WWTR1: variants seen among roughly 807,000 people sequenced by gnomAD.
WWTR1 encodes WW domain-containing transcription regulator protein 1.
WWTR1 carries 13 observed loss-of-function variants against 40.1 expected under a neutral mutation model. The observed-to-expected ratio is 0.32, with a 90% CI of 0.21 to 0.52. WWTR1 has a LOEUF of 0.52. Ranked by LOEUF, WWTR1 falls within the 20% of genes least tolerant of loss-of-function variation. The pLI is 0.97. For synonymous variants in WWTR1, 230 were observed against 210.1 expected, an observed-to-expected ratio of 1.09 and a Z score of -0.82; for missense variants, 436 against 523.1, an observed-to-expected ratio of 0.83 and a Z score of 1.63.
chr3:149,686,988 C>A (rs893702398), intron 1 of WWTR1, among the ~76,000 whole-genome samples: 1 of 152,128 alleles, frequency 6.6e-6, no homozygotes, highest in Non-Finnish European at 1.5e-5. Context: ...AGGTCAGTTA[C>A]CTTTTGCCCT....
upstream of WWTR1, chr3:149,703,380 CAG>C (rs1715253419): frequency 6.6e-6 from 1 of 152,082 alleles, no homozygotes; most frequent in African/African-American, 2.4e-5. Context: ...TGCCAACAAA[CAG>C]AAATATTTAC....
rs537820942 is a variant in WWTR1 at position 149,589,586 on chromosome 3, A to G, written c.432-16586T>C. Among the ~76,000 whole-genome samples the G allele has an allele frequency of 5.3e-5, 8 of 152,126 alleles. No individual in the cohort carries two copies. In the East Asian group the frequency reaches 9.7e-4, roughly 18 times the overall value. ...AGTTAAACAGGATATAGACCATCAT[A>G]ATTACCAGAGGAAATGGTATTTTCT... is the stretch of plus-strand genomic sequence containing the variant. On this transcript the variant is annotated intron_variant, in intron 2 of 6. Coordinates refer to ENST00000360632, the MANE Select transcript of WWTR1 (RefSeq NM_015472.6).
chr3:149,692,458 T>C (rs1002661181), intron 1 of WWTR1, among the ~76,000 whole-genome samples: 1 of 152,174 alleles, frequency 6.6e-6, no homozygotes, highest in Non-Finnish European at 1.5e-5. Context: ...CCCTTCATGA[T>C]GAAAACCCTC....
upstream of WWTR1, among the ~76,000 whole-genome samples, chr3:149,705,251 T>C (rs1023456384): frequency 1.3e-5 from 2 of 152,060 alleles, no homozygotes; most frequent in Non-Finnish European, 2.9e-5. Context: ...AAATCAATAA[T>C]TCAAGATTTC....
chr3:149,689,380 C>CAAAAAAAAAAA (rs3044083), intron 1 of WWTR1, among the ~76,000 whole-genome samples: 4 of 36,696 alleles, frequency 1.1e-4, no homozygotes, highest in African/African-American at 1.2e-4. Context: ...GAACCTATCT[C>CAAAAAAAAAAA]AAAAAAAAAA....
At chr3:149,625,350 C>T (rs1449958219) in intron 2 of WWTR1, among the ~76,000 whole-genome samples, 3 of 151,702 alleles carry the variant, frequency 2.0e-5, no homozygotes, top group Non-Finnish European at 2.9e-5. Context: ...GATCTCCTGA[C>T]CTCGTGATCC....
intron 1 of WWTR1, among the ~76,000 whole-genome samples, chr3:149,698,480 C>T (rs1053728399): frequency 3.3e-5 from 5 of 152,226 alleles, no homozygotes; most frequent in Non-Finnish European, 7.3e-5. Flanking sequence ...CATTTTCAGG[C>T]ATGTCTTTAT....
chr3:149,530,266 G>T (rs1298696122), intron 4 of WWTR1, among the ~76,000 whole-genome samples: 2 of 151,786 alleles, frequency 1.3e-5, no homozygotes, highest in Non-Finnish European at 2.9e-5. Flanking sequence ...AAAATCACTT[G>T]AATTTGGGGA....
intron 2 of WWTR1, among the ~76,000 whole-genome samples, chr3:149,594,003 G>A (rs569428382): frequency 6.6e-6 from 1 of 152,302 alleles, no homozygotes; most frequent in Admixed American, 6.5e-5. Flanking sequence ...TTTTGGAGCT[G>A]GGAAAAATCC....
chr3:149,657,414 A>C, intron 1 of WWTR1, 105 bp from the exon 2 acceptor site: 1 of 1,319,244 alleles, frequency 7.6e-7, no homozygotes, highest in Non-Finnish European at 1.0e-6. Context: ...ATAGAGGGAA[A>C]AGGAAACGAG....
intron 5 of WWTR1, among the ~76,000 whole-genome samples, chr3:149,526,962 T>C (rs1576536969): frequency 6.6e-6 from 1 of 152,212 alleles, no homozygotes; most frequent in East Asian, 1.9e-4. Context: ...GTGAAATTAT[T>C]TTAAACTCAC....
At chr3:149,635,092 A>G (rs1390273370) in intron 2 of WWTR1, among the ~76,000 whole-genome samples, 1 of 152,074 alleles carries the variant, frequency 6.6e-6, no homozygotes, top group African/African-American at 2.4e-5. Flanking sequence ...GCCCTGCTCT[A>G]CCCTCTTCTT....
intron 2 of WWTR1, among the ~76,000 whole-genome samples, chr3:149,633,773 C>G (rs140107702): frequency 6.6e-6 from 1 of 152,006 alleles, no homozygotes; most frequent in Non-Finnish European, 1.5e-5. Flanking sequence ...AGTGAGGGTG[C>G]TCCAGGGAAG....
chr3:149,577,106 G>C (rs1737920098), intron 2 of WWTR1, among the ~76,000 whole-genome samples: 1 of 152,230 alleles, frequency 6.6e-6, no homozygotes, highest in South Asian at 2.1e-4. Flanking sequence ...GTGGTGAGCC[G>C]AGATCGCACC....
At chr3:149,708,122 C>A (rs913832641), upstream of WWTR1, among the ~76,000 whole-genome samples, 4 of 152,082 alleles carry the variant, frequency 2.6e-5, no homozygotes, top group Non-Finnish European at 1.5e-5. Context: ...TATAGAACAC[C>A]GTACCTGGAC....
At chr3:149,615,560 T>A in intron 2 of WWTR1, among the ~76,000 whole-genome samples, 1 of 152,186 alleles carries the variant, frequency 6.6e-6, no homozygotes. Context: ...TCATTGTGAA[T>A]ATATATTGCT....
chr3:149,699,043 C>T (rs1036122448), intron 1 of WWTR1, among the ~76,000 whole-genome samples: 3 of 152,264 alleles, frequency 2.0e-5, no homozygotes, highest in African/African-American at 7.2e-5. Context: ...ATGCTAATCT[C>T]TCTAGCAAGT....
intron 2 of WWTR1, among the ~76,000 whole-genome samples, chr3:149,654,552 G>T (rs1450957471): frequency 1.3e-5 from 2 of 152,142 alleles, no homozygotes; most frequent in Admixed American, 1.3e-4. Flanking sequence ...GTTGTGGTTG[G>T]GGGGATGGGC....
chr3:149,672,948 GT>G (rs1413484184), intron 1 of WWTR1, among the ~76,000 whole-genome samples: 1 of 151,908 alleles, frequency 6.6e-6, no homozygotes, highest in Non-Finnish European at 1.5e-5. Context: ...ACATCCAGCT[GT>G]TTTTAGAACT....
Sources: gnomAD v4.1 joint callset for allele counts (sites outside exome capture counted in the v4.1 genomes callset) on GRCh38, gnomAD v4.1.1 for gene constraint, MANE v1.5 for transcripts, NCBI Gene and HGNC (gene_info 2026-07-23, HGNC 2026-07-21) for gene names.